The following ATP6V1H variants were observed in gnomAD, a reference collection of about 807,000 sequenced individuals.
ATP6V1H encodes the protein V-type proton ATPase subunit H.
In ATP6V1H, 39 loss-of-function variants were observed where a neutral mutation model predicts 71.7. The ratio of observed to expected loss-of-function variants is 0.54; its 90% confidence interval spans 0.42 to 0.71. ATP6V1H has a LOEUF of 0.71. Among genes scored for constraint, ATP6V1H ranks in the 30% least tolerant of loss-of-function variants. ATP6V1H has a pLI of 0.00. For missense variants in ATP6V1H, 509 were observed against 594.9 expected, an observed-to-expected ratio of 0.86 and a Z score of 1.50; for synonymous variants, 192 against 199.3, an observed-to-expected ratio of 0.96 and a Z score of 0.31.
At chr8:53,776,490 A>T (rs1007815336) in intron 9 of ATP6V1H, among the ~76,000 whole-genome samples, 2 of 152,252 alleles carry the variant, frequency 1.3e-5, no homozygotes, top group Admixed American at 6.5e-5. Flanking sequence ...CAGCCCAGCT[A>T]CATCTAAAAG....
chr8:53,819,808 G>A (rs1437378179), intron 4 of ATP6V1H, among the ~76,000 whole-genome samples: 2 of 143,936 alleles, frequency 1.4e-5, no homozygotes, highest in African/African-American at 5.1e-5. Context: ...CAAAGTATAT[G>A]TGTGTGTGTG....
At position 53,770,259 on chromosome 8, in the gene ATP6V1H, A is replaced by G. The variant is rs939211341; in HGVS notation, c.1050-516T>C. ...CAATGTGATTACAAAGAGTGTAGACATAATTAATTGAATTAATCCATTACA... is the reference window on the plus strand; with the variant it reads ...CAATGTGATTACAAAGAGTGTAGACGTAATTAATTGAATTAATCCATTACA... On this transcript the variant is annotated intron_variant, in intron 10 of 13. Coordinates refer to ENST00000359530, the MANE Select transcript of ATP6V1H (RefSeq NM_015941.4). Among the ~76,000 whole-genome samples, 7 of 152,182 alleles carry G rather than the reference A, an allele frequency of 4.6e-5. No individual in the cohort carries two copies. The East Asian group carries it at 1.3e-3, about 29-fold the overall frequency.
intron 2 of ATP6V1H, chr8:53,839,781 C>G: frequency 1.0e-6 from 1 of 985,420 alleles, no homozygotes; most frequent in Non-Finnish European, 1.2e-6. Flanking sequence ...CACCTCCATT[C>G]TATCATTTTC....
chr8:53,749,743 T>TA (rs200663259), intron 12 of ATP6V1H, among the ~76,000 whole-genome samples: 15,554 of 137,624 alleles, frequency 0.11, 1,141 homozygotes, highest in East Asian at 0.38. Context: ...CAGACTCCTT[T>TA]AAAAAAAAAA....
In ATP6V1H at chr8:53,744,058, C is replaced by G. The variant is rs566668955; in HGVS notation, c.1278-368G>C. ...GTTTAATATCAGTATTGAACACCAT[C>G]TAATTTTCATAACAACATACAATCA... On this transcript the variant is annotated intron_variant, in intron 12 of 13. Coordinates refer to ENST00000359530, the MANE Select transcript of ATP6V1H (RefSeq NM_015941.4). Among the ~76,000 whole-genome samples the G allele has an allele frequency of 2.6e-5, 4 of 152,202 alleles. No individual in the cohort carries two copies. In the East Asian group the frequency reaches 7.7e-4, roughly 29 times the overall value.
intron 7 of ATP6V1H, among the ~76,000 whole-genome samples, chr8:53,809,898 T>C (rs558762920): frequency 2.0e-5 from 3 of 152,286 alleles, no homozygotes; most frequent in African/African-American, 7.2e-5. Flanking sequence ...GCGTATCTAG[T>C]TCTATACCTT....
intron 12 of ATP6V1H, among the ~76,000 whole-genome samples, chr8:53,753,338 T>C (rs900230847): frequency 2.6e-5 from 4 of 152,198 alleles, no homozygotes; most frequent in Admixed American, 2.6e-4. Context: ...GAGGATCGAC[T>C]GCAGCAGATA....
chr8:53,732,416 TAC>T (rs1447608068), intron 13 of ATP6V1H, among the ~76,000 whole-genome samples: 1 of 152,180 alleles, frequency 6.6e-6, no homozygotes, highest in African/African-American at 2.4e-5. Flanking sequence ...TGCAGGGGAT[TAC>T]AGAGTTAAGC....
intron 12 of ATP6V1H, among the ~76,000 whole-genome samples, chr8:53,744,426 G>T (rs139170331): frequency 6.6e-6 from 1 of 152,186 alleles, no homozygotes; most frequent in Admixed American, 6.5e-5. Context: ...CTTTGCAAAG[G>T]TGTGGTTACA....
chr8:53,751,479 T>C (rs990430356), intron 12 of ATP6V1H, among the ~76,000 whole-genome samples: 1 of 152,164 alleles, frequency 6.6e-6, no homozygotes, highest in Admixed American at 6.5e-5. Context: ...GAGAAGCTGT[T>C]TGAAGGAAGG....
At chr8:53,721,200 T>C (rs1806599388) in intron 13 of ATP6V1H, among the ~76,000 whole-genome samples, 1 of 152,186 alleles carries the variant, frequency 6.6e-6, no homozygotes, top group South Asian at 2.1e-4. Context: ...CACTATAGTT[T>C]AGTTATAAAT....
intron 2 of ATP6V1H, among the ~76,000 whole-genome samples, chr8:53,833,558 A>G (rs150830872): frequency 2.6e-3 from 395 of 151,814 alleles, no homozygotes; most frequent in Non-Finnish European, 3.9e-3. Flanking sequence ...CAGACAGAAA[A>G]AAAAAAAACA....
At chr8:53,838,428 T>C (rs1416199796) in intron 2 of ATP6V1H, among the ~76,000 whole-genome samples, 1 of 152,116 alleles carries the variant, frequency 6.6e-6, no homozygotes, top group African/African-American at 2.4e-5. Context: ...CACCTGTGAG[T>C]GTCTTTATGC....
chr8:53,817,277 C>T, intron 5 of ATP6V1H, 140 bp downstream of exon 5: 2 of 478,408 alleles, frequency 4.2e-6, no homozygotes, highest in Non-Finnish European at 7.3e-6. Context: ...GTGGCTCACA[C>T]CTGTAATCCC....
intron 13 of ATP6V1H, among the ~76,000 whole-genome samples, chr8:53,742,457 C>T (rs1807447438): frequency 6.6e-6 from 1 of 152,184 alleles, no homozygotes; most frequent in Non-Finnish European, 1.5e-5. Context: ...TGGCTGGTTA[C>T]TTATCATTAT....
intron 9 of ATP6V1H, among the ~76,000 whole-genome samples, chr8:53,791,684 C>T (rs1368709407): frequency 1.3e-5 from 2 of 152,184 alleles, no homozygotes; most frequent in African/African-American, 4.8e-5. Context: ...CTTCTCCTCA[C>T]ATCCCCGTTC....
At chr8:53,737,692 T>A (rs1807269460) in intron 13 of ATP6V1H, among the ~76,000 whole-genome samples, 1 of 152,228 alleles carries the variant, frequency 6.6e-6, no homozygotes, top group Non-Finnish European at 1.5e-5. Flanking sequence ...ATTCCTTTTT[T>A]AAAATGTAAG....
At chr8:53,815,169 C>T (rs1485712212) in intron 5 of ATP6V1H, among the ~76,000 whole-genome samples, 3 of 152,162 alleles carry the variant, frequency 2.0e-5, no homozygotes, top group Non-Finnish European at 4.4e-5. Flanking sequence ...CACACTCATT[C>T]CAAGCCACTT....
chr8:53,793,331 C>T (rs750426251), intron 9 of ATP6V1H, among the ~76,000 whole-genome samples: 17 of 152,098 alleles, frequency 1.1e-4, no homozygotes, highest in Non-Finnish European at 2.4e-4. Context: ...TTGAAAACTG[C>T]ATGACATTAT....
Sources: gnomAD v4.1 joint callset for allele counts (sites outside exome capture counted in the v4.1 genomes callset) on GRCh38, gnomAD v4.1.1 for gene constraint, MANE v1.5 for transcripts, NCBI Gene and HGNC (gene_info 2026-07-23, HGNC 2026-07-21) for gene names.